STX8: variants seen among roughly 807,000 people sequenced by gnomAD.
STX8 encodes the protein syntaxin-8.
In STX8, 23 loss-of-function variants were observed where a neutral mutation model predicts 37.5. The ratio of observed to expected loss-of-function variants is 0.61; its 90% CI spans 0.44 to 0.87. The LOEUF is 0.87. Among genes scored for constraint, STX8 ranks in the 40% least tolerant of loss-of-function variants. The probability of loss-of-function intolerance (pLI) is 0.00; values close to 1 mark genes in which losing one functional copy is unlikely to be tolerated. For synonymous variants in STX8, 115 were observed against 99.1 expected, an observed-to-expected ratio of 1.16 and a Z score of -0.95; for missense variants, 313 against 284.7, an observed-to-expected ratio of 1.10 and a Z score of -0.71.
intron 6 of STX8, among the ~76,000 whole-genome samples, chr17:9,407,231 T>C (rs1024500898): frequency 2.0e-5 from 3 of 152,160 alleles, no homozygotes; most frequent in Non-Finnish European, 4.4e-5. Context: ...TCTTGCTATG[T>C]TGCCCAAGCT....
At chr17:9,355,937 C>T (rs1451168162) in intron 7 of STX8, among the ~76,000 whole-genome samples, 4 of 152,178 alleles carry the variant, frequency 2.6e-5, no homozygotes, top group African/African-American at 9.7e-5. Context: ...CAGGCAAAAG[C>T]CACCAGGCCC....
intron 7 of STX8, among the ~76,000 whole-genome samples, chr17:9,273,825 G>A (rs1054391131): frequency 1.4e-4 from 21 of 152,150 alleles, no homozygotes; most frequent in African/African-American, 5.1e-4. Context: ...TTTGGGAGTG[G>A]GCGTGTGTTT....
chr17:9,562,853 TA>T (rs532314644), intron 2 of STX8, among the ~76,000 whole-genome samples: 6 of 149,918 alleles, frequency 4.0e-5, no homozygotes, highest in Admixed American at 1.3e-4. Flanking sequence ...CACATCAGGT[TA>T]AAAAAAAAAT....
At chr17:9,575,079 T>C (rs1312180646) in intron 1 of STX8, among the ~76,000 whole-genome samples, 1 of 152,238 alleles carries the variant, frequency 6.6e-6, no homozygotes, top group Non-Finnish European at 1.5e-5. Flanking sequence ...TCAATAACAA[T>C]ACGTTCCTTG....
chr17:9,360,979 C>G (rs750333953), intron 7 of STX8, among the ~76,000 whole-genome samples: 2 of 152,194 alleles, frequency 1.3e-5, no homozygotes, highest in South Asian at 2.1e-4. Flanking sequence ...TGCTGCTAGT[C>G]CAGAGAAATT....
At chr17:9,409,572 G>A (rs1357078099) in intron 6 of STX8, among the ~76,000 whole-genome samples, 1 of 152,148 alleles carries the variant, frequency 6.6e-6, no homozygotes, top group African/African-American at 2.4e-5. Context: ...AAAACTGCCT[G>A]TTTCCAAAAG....
chr17:9,339,070 C>CAAAAAAAA lies in STX8; in HGVS notation c.643+39474_643+39481dup, dbSNP rs34987749. Among the ~76,000 whole-genome samples the CAAAAAAAA allele has an allele frequency of 1.1e-3, 74 of 70,020 alleles. 2 individuals are homozygous for CAAAAAAAA. The highest frequency in any genetic ancestry group is 4.6e-3 in the African/African-American group (71 of 15,512). The allele number at this position is 70,020 out of a possible 152,430, so 45.9% of individuals were successfully genotyped here. On this transcript the variant is annotated intron_variant, in intron 7 of 7. Transcript: ENST00000306357. ...TGGTTGACAAAGCGAGACTCCGTCT[C>CAAAAAAAA]AAAAAAAAAAAAAAAAAAAAATTCC...
At chr17:9,367,178 T>G (rs1472756797) in intron 7 of STX8, among the ~76,000 whole-genome samples, 2 of 152,010 alleles carry the variant, frequency 1.3e-5, no homozygotes, top group Non-Finnish European at 2.9e-5. Flanking sequence ...TTTTGTTTTT[T>G]TTTTTTTGGT....
At chr17:9,280,525 C>T (rs1253736890) in intron 7 of STX8, among the ~76,000 whole-genome samples, 7 of 152,108 alleles carry the variant, frequency 4.6e-5, no homozygotes, top group Non-Finnish European at 1.0e-4. Flanking sequence ...TGCGCTCCAG[C>T]TGGGGAAACA....
intron 7 of STX8, among the ~76,000 whole-genome samples, chr17:9,365,519 T>C (rs1304102457): frequency 4.6e-5 from 7 of 152,232 alleles, no homozygotes; most frequent in Non-Finnish European, 1.0e-4. Context: ...AGCTAGCTGG[T>C]AGCTAATGAA....
At chr17:9,509,820 T>C (rs901930578) in intron 4 of STX8, among the ~76,000 whole-genome samples, 4 of 126,244 alleles carry the variant, frequency 3.2e-5, no homozygotes, top group Admixed American at 9.6e-5. Context: ...TTAAAAGACA[T>C]AGACTGGATA....
intron 7 of STX8, among the ~76,000 whole-genome samples, chr17:9,343,179 G>A (rs775824843): frequency 6.6e-6 from 1 of 152,162 alleles, no homozygotes; most frequent in Non-Finnish European, 1.5e-5. Flanking sequence ...TCAAGAAGCA[G>A]TGGAGATGTG....
intron 6 of STX8, among the ~76,000 whole-genome samples, chr17:9,398,809 G>T (rs1912499702): frequency 6.6e-6 from 1 of 152,142 alleles, no homozygotes; most frequent in Admixed American, 6.6e-5. Flanking sequence ...AGTAATTTGG[G>T]AGGCCGAGGC....
rs150682084 is a variant in STX8 at position 9,516,298 on chromosome 17, CATATATATATAT to C, written c.324-11148_324-11137del. 5.1e-3 allele frequency among the ~76,000 whole-genome samples: 266 copies of C among 51,750 alleles called. 7 individuals carry two copies. The highest frequency in any genetic ancestry group is 0.045 in the Middle Eastern group (3 of 66). The allele number at this position is 51,750 out of a possible 152,430, so 34.0% of individuals were successfully genotyped here. On this transcript the variant is annotated intron_variant, in intron 4 of 7. Coordinates refer to ENST00000306357, the MANE Select transcript of STX8 (RefSeq NM_004853.3). The stretch of plus-strand genomic sequence containing the variant: ...AAAAATGACACATTAGAACCACAGT[CATATATATATAT>C]ATATATATATATATATATATATATA...
At chr17:9,417,934 T>A (rs1437720652) in intron 6 of STX8, among the ~76,000 whole-genome samples, 1 of 152,208 alleles carries the variant, frequency 6.6e-6, no homozygotes, top group African/African-American at 2.4e-5. Flanking sequence ...TTGCCCTAAG[T>A]GCCTCTTCAT....
intron 6 of STX8, among the ~76,000 whole-genome samples, chr17:9,439,958 G>A (rs1056293382): frequency 8.5e-5 from 13 of 152,150 alleles, no homozygotes; most frequent in South Asian, 4.2e-4. Flanking sequence ...ATAAAAAGAC[G>A]CATGGCAAAG....
chr17:9,501,112 C>T (rs986897656), intron 5 of STX8, among the ~76,000 whole-genome samples: 1 of 152,080 alleles, frequency 6.6e-6, no homozygotes, highest in African/African-American at 2.4e-5. Context: ...GAATTTGAGA[C>T]TCAATAGTGT....
At chr17:9,553,699 C>T (rs188515308) in intron 3 of STX8, 3 of 152,262 alleles carry the variant, frequency 2.0e-5, no homozygotes, top group Non-Finnish European at 2.9e-5. Flanking sequence ...GTTTAATCTT[C>T]GGATGGTTAA....
intron 7 of STX8, among the ~76,000 whole-genome samples, chr17:9,337,675 C>A (rs73270016): frequency 0.021 from 3,187 of 152,192 alleles, 112 homozygotes; most frequent in African/African-American, 0.074. Context: ...CCAGAACCTG[C>A]GTATTAACAA....
Sources: allele counts gnomAD v4.1 joint callset (sites outside exome capture counted in the v4.1 genomes callset), GRCh38; gene constraint gnomAD v4.1.1; transcripts MANE v1.5; gene names NCBI Gene and HGNC (gene_info 2026-07-23, HGNC 2026-07-21).